Variants in CAMTA1 observed in about 807,000 individuals in gnomAD.
CAMTA1 encodes the protein calmodulin-binding transcription activator 1.
Under a neutral mutation model 170.9 loss-of-function variants are expected in CAMTA1, and 27 were observed. That is an observed-to-expected ratio of 0.16 (90% CI 0.12 to 0.22). The LOEUF (loss-of-function observed/expected upper bound fraction) is 0.22. Among genes scored for constraint, CAMTA1 ranks in the 10% least tolerant of loss-of-function variants. The probability of loss-of-function intolerance (pLI) is 1.00; values close to 1 mark genes in which losing one functional copy is unlikely to be tolerated. For synonymous variants in CAMTA1, 833 were observed against 891.5 expected (o/e 0.93, Z 1.17); for missense variants, 1,619 against 2,217.2 (o/e 0.73, Z 5.42).
chr1:7,374,491 A>G (rs1397110745), intron 5 of CAMTA1, among the ~76,000 whole-genome samples: 1 of 152,230 alleles, frequency 6.6e-6, no homozygotes, highest in Non-Finnish European at 1.5e-5. Flanking sequence ...GCCGCCAACA[A>G]TGACAAAAAA....
Position 7,547,236 on chromosome 1 carries a change from C to T in CAMTA1, c.510+79335C>T, listed in dbSNP as rs2094705915. Among the ~76,000 whole-genome samples the T allele has an allele frequency of 6.6e-6, 1 of 151,988 alleles. No homozygotes were observed. The highest frequency in any genetic ancestry group is 1.5e-5 in the Non-Finnish European group (1 of 68,016). On this transcript the variant is annotated intron_variant, in intron 6 of 22. Transcript: ENST00000303635. This position sits in a 1 kb window ranked among gnomAD's most constrained non-coding sequence, Gnocchi z 5.7. ...AAATCAACCATTTCTCCAAAGAAAC[C>T]TGGTTTCTTTTAGTGGAAAGTGGTG...
At chr1:6,902,650 G>A (rs1293531826) in intron 3 of CAMTA1, among the ~76,000 whole-genome samples, 2 of 152,220 alleles carry the variant, frequency 1.3e-5, no homozygotes, top group African/African-American at 2.4e-5. Flanking sequence ...TTGTCAGAAT[G>A]TATGGACCTG....
intron 3 of CAMTA1, among the ~76,000 whole-genome samples, chr1:6,892,642 A>C (rs1304294490): frequency 2.1e-5 from 2 of 93,390 alleles, no homozygotes; most frequent in African/African-American, 8.4e-5. Flanking sequence ...AGATGCTTTT[A>C]TATAAATTCT....
intron 1 of CAMTA1, among the ~76,000 whole-genome samples, chr1:6,795,056 T>C (rs1240274030): frequency 6.6e-6 from 1 of 152,220 alleles, no homozygotes; most frequent in Admixed American, 6.5e-5. Flanking sequence ...AGCTGTATTA[T>C]GCACTCATTT....
At chr1:7,371,590 AT>A (rs1434363466) in intron 5 of CAMTA1, among the ~76,000 whole-genome samples, 10 of 152,056 alleles carry the variant, frequency 6.6e-5, no homozygotes, top group Non-Finnish European at 1.5e-4. Flanking sequence ...CCCTGTCTGT[AT>A]TTCAGAGTTT....
At chr1:7,304,020 A>G (rs1303387579) in intron 5 of CAMTA1, among the ~76,000 whole-genome samples, 1 of 152,208 alleles carries the variant, frequency 6.6e-6, no homozygotes, top group African/African-American at 2.4e-5. Context: ...AGGTAAATTC[A>G]GAGAGACAGG....
chr1:7,345,144 T>A (rs939614052), intron 5 of CAMTA1, among the ~76,000 whole-genome samples: 1 of 152,212 alleles, frequency 6.6e-6, no homozygotes, highest in Non-Finnish European at 1.5e-5. Flanking sequence ...CCTTCATCCC[T>A]TTTATATGTT....
chr1:7,228,255 G>A (rs1662061950), intron 4 of CAMTA1, among the ~76,000 whole-genome samples: 2 of 152,224 alleles, frequency 1.3e-5, no homozygotes, highest in African/African-American at 4.8e-5. Context: ...CAGAGATGCA[G>A]TCCTGTGATC....
intron 5 of CAMTA1, among the ~76,000 whole-genome samples, chr1:7,310,620 CTTTCTTTCTTTCTTTCTTTCTTTCTTT>C (rs1557490013): frequency 4.6e-4 from 2 of 4,360 alleles, no homozygotes; most frequent in African/African-American, 1.1e-3. Flanking sequence ...TTCTTTCTTT[CTTTCTTTCTTTCTTTCTTTCTTTCTTT>C]TTTCTTTCTT....
intron 3 of CAMTA1, among the ~76,000 whole-genome samples, chr1:7,052,165 G>T (rs932229714): frequency 1.3e-5 from 2 of 152,128 alleles, no homozygotes; most frequent in Non-Finnish European, 2.9e-5. Context: ...GCTGCTTCAC[G>T]CCCCACTGCT....
chr1:7,540,331 G>T (rs1418415169), intron 6 of CAMTA1, among the ~76,000 whole-genome samples: 2 of 152,206 alleles, frequency 1.3e-5, no homozygotes, highest in Non-Finnish European at 2.9e-5. Context: ...TACGGGCAGG[G>T]TTTAGTCAGG....
intron 5 of CAMTA1, among the ~76,000 whole-genome samples, chr1:7,393,074 T>C (rs1251033224): frequency 2.0e-5 from 3 of 152,090 alleles, no homozygotes; most frequent in African/African-American, 7.2e-5. Context: ...AAAAAAGTTT[T>C]AGTTGCTCCA....
chr1:7,266,782 T>A (rs1190549109), intron 5 of CAMTA1, among the ~76,000 whole-genome samples: 1 of 152,190 alleles, frequency 6.6e-6, no homozygotes, highest in Non-Finnish European at 1.5e-5. Context: ...TGGGCAGGGC[T>A]TTCTTGGGGA....
intron 3 of CAMTA1, among the ~76,000 whole-genome samples, chr1:7,086,113 G>T (rs1640705489): frequency 6.6e-6 from 1 of 152,226 alleles, no homozygotes; most frequent in East Asian, 1.9e-4. Context: ...CCATACCTTG[G>T]CGGCCGTTTT....
intron 4 of CAMTA1, among the ~76,000 whole-genome samples, chr1:7,148,064 AAC>A (rs754646778): frequency 8.2e-6 from 1 of 121,534 alleles, no homozygotes. Flanking sequence ...TATGCACACA[AAC>A]ACACACTCAT....
intron 5 of CAMTA1, among the ~76,000 whole-genome samples, chr1:7,341,107 G>C (rs1260356468): frequency 6.6e-6 from 1 of 152,170 alleles, no homozygotes; most frequent in African/African-American, 2.4e-5. Flanking sequence ...GACCACAAAG[G>C]GTCTCCGAGG....
At chr1:6,882,618 G>C (rs1229355281) in intron 3 of CAMTA1, among the ~76,000 whole-genome samples, 1 of 152,086 alleles carries the variant, frequency 6.6e-6, no homozygotes, top group East Asian at 1.9e-4. Flanking sequence ...GTTGTGTTTT[G>C]CACCTGTTGA....
intron 5 of CAMTA1, among the ~76,000 whole-genome samples, chr1:7,342,515 T>C (rs2083909612): frequency 6.6e-6 from 1 of 151,898 alleles, no homozygotes; most frequent in Non-Finnish European, 1.5e-5. Flanking sequence ...GACCCAGGGG[T>C]CTGGGATGGG....
intron 5 of CAMTA1, among the ~76,000 whole-genome samples, chr1:7,341,113 C>T (rs147131041): frequency 3.3e-5 from 5 of 152,322 alleles, no homozygotes; most frequent in East Asian, 1.9e-4. Context: ...AAAGGGTCTC[C>T]GAGGTGGAAC....
Sources: gnomAD v4.1 joint callset for allele counts (sites outside exome capture counted in the v4.1 genomes callset) on GRCh38, gnomAD v4.1.1 for gene constraint, Gnocchi (gnomAD v3.1) non-coding constraint, MANE v1.5 for transcripts, NCBI Gene and HGNC (gene_info 2026-07-23, HGNC 2026-07-21) for gene names.